Variants in USP13 observed in about 807,000 individuals in gnomAD.
USP13 encodes the protein ubiquitin specific peptidase 13.
In USP13, 68 loss-of-function variants were observed where a neutral mutation model predicts 107.8. The ratio of observed to expected loss-of-function variants is 0.63; its 90% CI spans 0.52 to 0.77. The LOEUF (loss-of-function observed/expected upper bound fraction) is 0.77, where lower values mean the gene tolerates loss of function less well. Among genes scored for constraint, USP13 ranks in the 30% least tolerant of loss-of-function variants. The pLI is 0.00. For missense variants in USP13, 945 were observed against 1,093.3 expected, an observed-to-expected ratio of 0.86 and a Z score of 1.91; for synonymous variants, 377 against 389.5, an observed-to-expected ratio of 0.97 and a Z score of 0.38.
In USP13 at chr3:179,752,369, A is replaced by T; in HGVS notation, c.1794A>T (p.Lys598Asn). 6.2e-7 allele frequency: 1 copy of T among 1,613,054 alleles called. No homozygotes were observed. The change falls in exon 14 of 21, where the codon AAA becomes AAT. Residue 598 changes from lysine to asparagine, a missense_variant. Lys to Asn is a moderately conservative substitution (Grantham distance 94). Transcript: ENST00000263966. Reference sequence around the variant, plus strand: ...TTGGTCTTGACTGGGTTCCCAAAAAATTTGGTAGGTATCTTTTGCGTGCTT... The same window carrying T: ...TTGGTCTTGACTGGGTTCCCAAAAATTTTGGTAGGTATCTTTTGCGTGCTT... ...FTFGLDWVPK[K>N]FDVSIDMPDL...
At chr3:179,722,276 A>C (rs544598302) in intron 8 of USP13, among the ~76,000 whole-genome samples, 13 of 152,180 alleles carry the variant, frequency 8.5e-5, no homozygotes, top group South Asian at 8.3e-4. Flanking sequence ...GGGGGACTGG[A>C]ATTTCCTGAA....
At chr3:179,753,406 T>C (rs947931835) in intron 14 of USP13, among the ~76,000 whole-genome samples, 1 of 152,368 alleles carries the variant, frequency 6.6e-6, no homozygotes, top group Admixed American at 6.5e-5. Context: ...ACTCAGCTTT[T>C]CTTCCATGGA....
chr3:179,742,074 G>C lies in USP13; in HGVS notation c.1381-123G>C. 8.3e-7 allele frequency: 1 copy of C among 1,209,742 alleles called. No homozygotes were observed. The highest frequency in any genetic ancestry group is 1.2e-6 in the Non-Finnish European group (1 of 866,752). 74.9% of individuals were successfully genotyped at this position (1,209,742 alleles called of 1,614,324 possible). ...TCTATTAAAGTGCTTTGGTGAATGG[G>C]CATGGCCAGAGGAAATGTTTAATAA... On this transcript the variant is annotated intron_variant, in intron 11 of 20. Transcript: ENST00000263966. The surrounding 1 kb of genome is among the most constrained non-coding windows in gnomAD (Gnocchi z 5.0).
rs776441942 is a variant in USP13 at position 179,708,762 on chromosome 3, T to A, written c.621-11T>A. ...CCTGGCTGTTCTGACTACTCTCCAATGGCTTTCCAGTGGTTGGAAGTGTGC... is the reference window on the plus strand; with the variant it reads ...CCTGGCTGTTCTGACTACTCTCCAAAGGCTTTCCAGTGGTTGGAAGTGTGC... On this transcript the variant is annotated splice_polypyrimidine_tract_variant and intron_variant, in intron 5 of 20. Transcript: ENST00000263966. The A allele has an allele frequency of 6.2e-7, 1 of 1,613,862 alleles. No individual in the cohort carries two copies. Among genetic ancestry groups the A allele is most frequent in the Admixed American group, 1.7e-5 (1 of 59,934 alleles).
chr3:179,768,973 A>T (rs996070100), intron 19 of USP13, among the ~76,000 whole-genome samples: 1 of 152,214 alleles, frequency 6.6e-6, no homozygotes, highest in Admixed American at 6.5e-5. Context: ...GGAAATATAG[A>T]TATATGAAAA....
At chr3:179,761,792 T>G (rs1715022867) in intron 17 of USP13, among the ~76,000 whole-genome samples, 1 of 152,158 alleles carries the variant, frequency 6.6e-6, no homozygotes, top group African/African-American at 2.4e-5. Flanking sequence ...ATTCATCCCT[T>G]TAAAGTGTAT....
At chr3:179,706,829 G>C in intron 4 of USP13, 105 bp from the exon 5 acceptor site, 4 of 1,331,518 alleles carry the variant, frequency 3.0e-6, no homozygotes, top group Non-Finnish European at 4.1e-6. Flanking sequence ...CGCTGTTTGC[G>C]TTTCTTCAGT....
At chr3:179,690,203 A>G (rs1202426146) in intron 2 of USP13, 38 bp from the exon 3 acceptor site, 2 of 1,594,876 alleles carry the variant, frequency 1.3e-6, no homozygotes, top group African/African-American at 1.3e-5. Flanking sequence ...TGTTTATTTT[A>G]TAGGCCGCAT....
intron 8 of USP13, among the ~76,000 whole-genome samples, chr3:179,725,080 T>A (rs1319661382): frequency 6.6e-6 from 1 of 152,114 alleles, no homozygotes; most frequent in Non-Finnish European, 1.5e-5. Flanking sequence ...GGCGTGGTGG[T>A]GCGTGCCTGT....
intron 19 of USP13, among the ~76,000 whole-genome samples, chr3:179,768,504 A>G (rs565799533): frequency 2.9e-4 from 44 of 152,342 alleles, no homozygotes; most frequent in African/African-American, 1.0e-3. Flanking sequence ...AAGGAGCACT[A>G]TGAGATGCAC....
intron 13 of USP13, among the ~76,000 whole-genome samples, chr3:179,749,561 G>A (rs1714524014): frequency 6.6e-6 from 1 of 152,116 alleles, no homozygotes; most frequent in South Asian, 2.1e-4. Context: ...AGATTGATTT[G>A]AACAGATATA....
chr3:179,689,204 T>G (rs137969572), intron 2 of USP13, among the ~76,000 whole-genome samples: 131 of 152,288 alleles, frequency 8.6e-4, no homozygotes, highest in African/African-American at 3.1e-3. Flanking sequence ...TTTTTTCTAG[T>G]AACTGAAAAA....
chr3:179,698,494 G>GT (rs1264103846), intron 3 of USP13, among the ~76,000 whole-genome samples: 108 of 148,912 alleles, frequency 7.3e-4, no homozygotes, highest in East Asian at 1.2e-3. Flanking sequence ...CCAGAGTGGG[G>GT]TTTTTTTTTT....
intron 16 of USP13, among the ~76,000 whole-genome samples, chr3:179,760,337 G>T (rs1294192036): frequency 1.5e-5 from 2 of 136,634 alleles, no homozygotes; most frequent in Non-Finnish European, 1.5e-5. Flanking sequence ...AGGCTGGACT[G>T]CAGTGGCGCT....
At chr3:179,738,142 G>A (rs964223133) in intron 10 of USP13, among the ~76,000 whole-genome samples, 1 of 152,116 alleles carries the variant, frequency 6.6e-6, no homozygotes, top group Non-Finnish European at 1.5e-5. Context: ...GGCCTCCACC[G>A]CAAAGGCTGC....
chr3:179,714,173 C>T (rs368070209), intron 6 of USP13, among the ~76,000 whole-genome samples: 1 of 152,140 alleles, frequency 6.6e-6, no homozygotes, highest in African/African-American at 2.4e-5. Flanking sequence ...CTAGTTTACC[C>T]GAGAAGATGC....
intron 12 of USP13, 36 bp from the exon 13 acceptor site, chr3:179,745,007 G>A (rs73174412): frequency 0.018 from 28,294 of 1,612,626 alleles, 277 homozygotes; most frequent in Non-Finnish European, 0.02. Flanking sequence ...CAGGGTAAGA[G>A]CGATTGCAAG....
chr3:179,760,016 C>A (rs1266190658), intron 16 of USP13, among the ~76,000 whole-genome samples: 1 of 152,144 alleles, frequency 6.6e-6, no homozygotes, highest in African/African-American at 2.4e-5. Flanking sequence ...ACAGCTATTT[C>A]TCTTCTCGGT....
At chr3:179,728,393 G>C (rs1280109537) in intron 8 of USP13, among the ~76,000 whole-genome samples, 1 of 149,572 alleles carries the variant, frequency 6.7e-6, no homozygotes, top group African/African-American at 2.5e-5. Context: ...GGGCGGCCGG[G>C]CAGAGACGCT....
Sources: allele counts gnomAD v4.1 joint callset (sites outside exome capture counted in the v4.1 genomes callset), GRCh38; gene constraint gnomAD v4.1.1; non-coding constraint Gnocchi (gnomAD v3.1); transcripts MANE v1.5; gene names NCBI Gene and HGNC (gene_info 2026-07-23, HGNC 2026-07-21).